SESN1: variants seen among roughly 807,000 people sequenced by gnomAD.
SESN1 encodes sestrin 1.
SESN1 carries 30 observed loss-of-function variants against 59.3 expected under a neutral mutation model. The ratio of observed to expected loss-of-function variants is 0.51; its 90% confidence interval spans 0.38 to 0.69. The LOEUF is 0.69. Ranked by LOEUF, SESN1 falls within the 30% of genes least tolerant of loss-of-function variation. SESN1 has a pLI of 0.00. For missense variants in SESN1, 566 were observed against 673.0 expected, an observed-to-expected ratio of 0.84 and a Z score of 1.76; for synonymous variants, 197 against 219.9, an observed-to-expected ratio of 0.90 and a Z score of 0.92.
At chr6:108,988,921 T>C (rs1167806754) in intron 8 of SESN1, among the ~76,000 whole-genome samples, 1 of 152,216 alleles carries the variant, frequency 6.6e-6, no homozygotes, top group Non-Finnish European at 1.5e-5. Flanking sequence ...AAGTAAATCA[T>C]TCCTGAAAGC....
chr6:109,004,612 AGTAGAG>A (rs1190318710), intron 1 of SESN1, among the ~76,000 whole-genome samples: 3,578 of 152,114 alleles, frequency 0.024, 148 homozygotes, highest in African/African-American at 0.082. Flanking sequence ...TTGTATTTTT[AGTAGAG>A]ACAGGGTTTC....
chr6:109,015,776 A>G (rs887178732), intron 1 of SESN1, among the ~76,000 whole-genome samples: 2 of 152,212 alleles, frequency 1.3e-5, no homozygotes, highest in Non-Finnish European at 2.9e-5. Context: ...AAAAAAGGCA[A>G]CAAAAGATAC....
chr6:109,040,885 C>T (rs1192143940), intron 1 of SESN1, among the ~76,000 whole-genome samples: 1 of 151,992 alleles, frequency 6.6e-6, no homozygotes, highest in Non-Finnish European at 1.5e-5. Flanking sequence ...ATCTCCTGAC[C>T]TCGTGATCTG....
intron 1 of SESN1, among the ~76,000 whole-genome samples, chr6:109,015,076 A>T (rs1400005835): frequency 6.6e-6 from 1 of 152,282 alleles, no homozygotes; most frequent in South Asian, 2.1e-4. Context: ...CCATTAAAAA[A>T]TTGTTTAAGC....
chr6:109,080,005 T>C (rs1781093406), intron 1 of SESN1, among the ~76,000 whole-genome samples: 1 of 152,176 alleles, frequency 6.6e-6, no homozygotes, highest in Admixed American at 6.5e-5. Context: ...TGCAAAACCG[T>C]ATTTTGGGAG....
intron 5 of SESN1, among the ~76,000 whole-genome samples, chr6:108,997,198 T>TA (rs1779518319): frequency 6.6e-6 from 1 of 152,206 alleles, no homozygotes; most frequent in Non-Finnish European, 1.5e-5. Flanking sequence ...ATAGGAAGCT[T>TA]ATTAGAGAAA....
At chr6:109,009,682 G>A (rs188875414) in intron 1 of SESN1, 210 of 466,246 alleles carry the variant, frequency 4.5e-4, no homozygotes, top group African/African-American at 4.2e-3. Context: ...CCTCCGGCGC[G>A]GAGGCTGGGA....
chr6:109,082,019 C>T (rs1183473744), intron 1 of SESN1, among the ~76,000 whole-genome samples: 1 of 152,172 alleles, frequency 6.6e-6, no homozygotes, highest in East Asian at 1.9e-4. Context: ...TGCTTACTGG[C>T]AATACCGGCA....
intron 5 of SESN1, among the ~76,000 whole-genome samples, chr6:108,996,691 ACT>A (rs1779508105): frequency 6.6e-6 from 1 of 151,764 alleles, no homozygotes; most frequent in Non-Finnish European, 1.5e-5. Context: ...GTGTAAGAAA[ACT>A]CTTTTTTCTT....
chr6:109,016,194 T>C (rs894599597), intron 1 of SESN1, among the ~76,000 whole-genome samples: 1 of 152,214 alleles, frequency 6.6e-6, no homozygotes, highest in African/African-American at 2.4e-5. Flanking sequence ...TTGTTTATAC[T>C]AACGGTAATT....
chr6:108,990,662 G>T lies in SESN1; in HGVS notation c.1407C>A (p.His469Gln), dbSNP rs369330706. Reference protein sequence around the residue: ...MLRRAIWNYIHCMFGIRYDDY... With the variant: ...MLRRAIWNYIQCMFGIRYDDY... ...AGACTAACCTTATTCCAAACATGCAGTGAATATAGTTCCAAATTGCCCGTC... is the reference window on the plus strand; with the variant it reads ...AGACTAACCTTATTCCAAACATGCATTGAATATAGTTCCAAATTGCCCGTC... The change falls in exon 8 of 10, where the codon CAC becomes CAA. Residue 469 changes from histidine (H) to glutamine (Q), a missense_variant. Coordinates refer to ENST00000436639, the MANE Select transcript of SESN1 (RefSeq NM_014454.3). 24 of 1,613,888 alleles carry T rather than the reference G, an allele frequency of 1.5e-5. No individual in the cohort carries two copies. Among genetic ancestry groups the T allele is most frequent in the Non-Finnish European group, 2.0e-5 (24 of 1,179,954 alleles).
At chr6:108,989,505 C>CTA (rs111756267) in intron 8 of SESN1, among the ~76,000 whole-genome samples, 2 of 145,966 alleles carry the variant, frequency 1.4e-5, no homozygotes, top group African/African-American at 5.1e-5. Flanking sequence ...CTAGAGATAT[C>CTA]TATATATATA....
chr6:109,011,632 CT>C (rs1208292681), intron 1 of SESN1, among the ~76,000 whole-genome samples: 11,312 of 138,536 alleles, frequency 0.082, 760 homozygotes, highest in African/African-American at 0.23. Flanking sequence ...AATTTTTTTT[CT>C]TTTTTTTTTT....
Position 109,074,981 on chromosome 6 carries a change from A to G in SESN1, c.279+18814T>C, listed in dbSNP as rs139776725. Among the ~76,000 whole-genome samples, 1,307 of 152,330 alleles carry G rather than the reference A, an allele frequency of 8.6e-3. 21 individuals carry two copies. The highest frequency in any genetic ancestry group is 0.03 in the African/African-American group (1,238 of 41,564). ...GATGAAGAAGCTGCTAGAGCCAGGC[A>G]GGCCTCTCCCACTGAGGCATGGTGA... On this transcript the variant is annotated intron_variant, in intron 1 of 9. Coordinates refer to ENST00000436639, the MANE Select transcript of SESN1 (RefSeq NM_014454.3).
At chr6:109,020,569 G>A (rs1779994284) in intron 1 of SESN1, among the ~76,000 whole-genome samples, 1 of 152,110 alleles carries the variant, frequency 6.6e-6, no homozygotes, top group African/African-American at 2.4e-5. Flanking sequence ...TGAACAAATT[G>A]CACAGTGCAA....
chr6:109,054,338 TTAACAGAAGAGAA>T (rs926723672), intron 1 of SESN1, among the ~76,000 whole-genome samples: 1 of 152,142 alleles, frequency 6.6e-6, no homozygotes, highest in Non-Finnish European at 1.5e-5. Flanking sequence ...TTTTCTCAGT[TTAACAGAAGAGAA>T]TGATACAGTC....
intron 1 of SESN1, among the ~76,000 whole-genome samples, chr6:109,060,221 G>T (rs914719706): frequency 2.0e-5 from 3 of 152,126 alleles, no homozygotes; most frequent in African/African-American, 7.2e-5. Flanking sequence ...ATAATTTGTT[G>T]AGTTTTTTTT....
rs1000200575 is a variant in SESN1 at position 108,988,456 on chromosome 6, A to G, written c.1569+87T>C. 34 of 1,224,808 alleles carry G rather than the reference A, an allele frequency of 2.8e-5. No individual in the cohort carries two copies. In the South Asian group the frequency reaches 5.8e-4, roughly 21 times the overall value. The allele number at this position is 1,224,808 out of a possible 1,614,324, so 75.9% of individuals were successfully genotyped here. On this transcript the variant is annotated intron_variant, in intron 9 of 9. Transcript: ENST00000436639. ...TTCTTTGGGTTGGTAGGGGTGATGG[A>G]AAGGGTTTCAGCACCATTAGGTTAG...
At chr6:109,032,634 G>C (rs1780200655) in intron 1 of SESN1, among the ~76,000 whole-genome samples, 1 of 151,662 alleles carries the variant, frequency 6.6e-6, no homozygotes, top group South Asian at 2.1e-4. Context: ...GGAGTGGGGG[G>C]GAAGAGAAAA....
Sources: allele counts gnomAD v4.1 joint callset (sites outside exome capture counted in the v4.1 genomes callset), GRCh38; gene constraint gnomAD v4.1.1; transcripts MANE v1.5; gene names NCBI Gene and HGNC (gene_info 2026-07-23, HGNC 2026-07-21).